The following NTRK3 variants were observed in gnomAD, a reference collection of about 807,000 sequenced individuals.
NTRK3 encodes the protein neurotrophic receptor tyrosine kinase 3.
Under a neutral mutation model 91.7 loss-of-function variants are expected in NTRK3, and 24 were observed. The observed-to-expected ratio is 0.26, with a 90% CI of 0.19 to 0.37. The LOEUF is 0.37. Among genes scored for constraint, NTRK3 ranks in the 10% least tolerant of loss-of-function variants. NTRK3 has a pLI of 1.00. For missense variants in NTRK3, 880 were observed against 1,068.9 expected (o/e 0.82, Z 2.46); for synonymous variants, 483 against 404.0 (o/e 1.20, Z -2.34).
chr15:87,991,660 C>A (rs1206069259), intron 14 of NTRK3, among the ~76,000 whole-genome samples: 1 of 152,152 alleles, frequency 6.6e-6, no homozygotes, highest in Non-Finnish European at 1.5e-5. Context: ...CTTATAATTA[C>A]CTAAGTTCAA....
chr15:88,246,358 G>A (rs767167296), intron 3 of NTRK3, among the ~76,000 whole-genome samples: 13 of 152,178 alleles, frequency 8.5e-5, no homozygotes, highest in Admixed American at 3.3e-4. Context: ...AAGAGAAGGC[G>A]CCAAGCTCTC....
At chr15:87,872,128 A>C (rs1485209553) in exon 19 of NTRK3, 1 of 221,456 alleles carries the variant, frequency 4.5e-6, no homozygotes, top group African/African-American at 2.2e-5. Flanking sequence ...TCCCTACCAA[A>C]GCAGACAATA....
intron 14 of NTRK3, among the ~76,000 whole-genome samples, chr15:87,990,722 G>A (rs187817939): frequency 6.6e-6 from 1 of 152,012 alleles, no homozygotes; most frequent in Non-Finnish European, 1.5e-5. Context: ...TTCTGCCTTT[G>A]CTGTTATATT....
At chr15:87,911,162 G>C (rs1280476338) in intron 17 of NTRK3, among the ~76,000 whole-genome samples, 1 of 152,164 alleles carries the variant, frequency 6.6e-6, no homozygotes, top group Non-Finnish European at 1.5e-5. Flanking sequence ...CAGGGCAAGT[G>C]ACAGGTATTG....
At chr15:88,100,200 G>A (rs2050027931) in intron 13 of NTRK3, among the ~76,000 whole-genome samples, 1 of 152,172 alleles carries the variant, frequency 6.6e-6, no homozygotes, top group African/African-American at 2.4e-5. Context: ...ATTCTGTTGT[G>A]AAAGGGAGAC....
At chr15:88,158,703 G>C (rs750596074) in intron 5 of NTRK3, among the ~76,000 whole-genome samples, 10 of 152,210 alleles carry the variant, frequency 6.6e-5, no homozygotes, top group Non-Finnish European at 1.3e-4. Flanking sequence ...CCTGAAGCAT[G>C]TGAGCTCTCT....
At chr15:88,195,524 G>C (rs373885510) in intron 3 of NTRK3, among the ~76,000 whole-genome samples, 19 of 152,352 alleles carry the variant, frequency 1.2e-4, no homozygotes, top group East Asian at 3.9e-4. Flanking sequence ...ACCACTTGAA[G>C]AGTCTAAAGC....
At chr15:87,942,116 G>A (rs1567133674) in intron 14 of NTRK3, among the ~76,000 whole-genome samples, 1 of 152,232 alleles carries the variant, frequency 6.6e-6, no homozygotes, top group Non-Finnish European at 1.5e-5. Context: ...ATAAACTACA[G>A]GAATCTTTTT....
intron 3 of NTRK3, among the ~76,000 whole-genome samples, chr15:88,195,479 T>C (rs913860614): frequency 2.5e-4 from 38 of 152,248 alleles, no homozygotes; most frequent in African/African-American, 8.4e-4. Context: ...AAATCTGTGG[T>C]TACCAAGGTC....
At chr15:87,927,772 G>C (rs2068447219) in intron 17 of NTRK3, 1 of 152,132 alleles carries the variant, frequency 6.6e-6, no homozygotes, top group Non-Finnish European at 1.5e-5. Context: ...TAATTTGTTT[G>C]CACCTTGATC....
At chr15:88,089,618 G>T (rs1441796903) in intron 13 of NTRK3, among the ~76,000 whole-genome samples, 1 of 152,114 alleles carries the variant, frequency 6.6e-6, no homozygotes. Context: ...TTAGCCTTAG[G>T]GCACCTTGGA....
intron 14 of NTRK3, among the ~76,000 whole-genome samples, chr15:88,029,720 G>A (rs534182007): frequency 1.1e-4 from 16 of 152,318 alleles, no homozygotes; most frequent in African/African-American, 3.1e-4. Flanking sequence ...GGCCTTATCT[G>A]CCACACCATA....
At chr15:88,080,761 G>A (rs1010046244) in intron 13 of NTRK3, among the ~76,000 whole-genome samples, 1 of 152,240 alleles carries the variant, frequency 6.6e-6, no homozygotes, top group Non-Finnish European at 1.5e-5. Context: ...GTTAGTCCCT[G>A]GCCTGGTTTC....
At chr15:87,981,677 A>G (rs1448201737) in intron 14 of NTRK3, among the ~76,000 whole-genome samples, 1 of 152,154 alleles carries the variant, frequency 6.6e-6, no homozygotes, top group Non-Finnish European at 1.5e-5. Flanking sequence ...TTGGACCAGA[A>G]TGTCTCAAAA....
chr15:87,979,081 G>C, intron 14 of NTRK3: 1 of 570,430 alleles, frequency 1.8e-6, no homozygotes, highest in Non-Finnish European at 3.1e-6. Context: ...CTCTTTATTG[G>C]CTCTAAAGAT....
chr15:87,952,680 G>T (rs1444744758), intron 14 of NTRK3, among the ~76,000 whole-genome samples: 1 of 152,160 alleles, frequency 6.6e-6, no homozygotes, highest in African/African-American at 2.4e-5. Context: ...TTTGGACACC[G>T]TTTCCATCAG....
intron 3 of NTRK3, among the ~76,000 whole-genome samples, chr15:88,212,242 C>T (rs1194636338): frequency 6.6e-6 from 1 of 152,032 alleles, no homozygotes; most frequent in Admixed American, 6.5e-5. Flanking sequence ...TGGTGGCAGG[C>T]GCCTGTAGTC....
In NTRK3 at chr15:87,970,060, A is replaced by C. The variant is rs367842730; in HGVS notation, c.1586-29307T>G. Among the ~76,000 whole-genome samples the C allele has an allele frequency of 2.6e-5, 4 of 152,346 alleles. No individual in the cohort carries two copies. In the East Asian group the frequency reaches 7.7e-4, roughly 29 times the overall value. ...GACATGGTATTTGGGGCATCTGTCC[A>C]GGCAGGGTCTTTTACATGAGGATCA... is the stretch of plus-strand genomic sequence containing the variant. On this transcript the variant is annotated intron_variant, in intron 14 of 18. Transcript: ENST00000394480.
At chr15:88,164,572 C>G (rs1056090783) in intron 5 of NTRK3, among the ~76,000 whole-genome samples, 1 of 152,088 alleles carries the variant, frequency 6.6e-6, no homozygotes, top group Non-Finnish European at 1.5e-5. Context: ...AAGATTACCC[C>G]CATTGTCCCT....
Sources: gnomAD v4.1 joint callset for allele counts (sites outside exome capture counted in the v4.1 genomes callset) on GRCh38, gnomAD v4.1.1 for gene constraint, MANE v1.5 for transcripts, NCBI Gene and HGNC (gene_info 2026-07-23, HGNC 2026-07-21) for gene names.